Variants in SNURF observed in about 807,000 individuals in gnomAD.
The protein encoded by SNURF is SNURF protein.
SNURF carries 6 observed loss-of-function variants against 11.6 expected under a neutral mutation model. That is an observed-to-expected ratio of 0.52 (90% CI 0.28 to 1.02). SNURF has a LOEUF of 1.02. SNURF is among the 50% of genes least tolerant of loss of function. The pLI, the probability that SNURF is intolerant of heterozygous loss-of-function variation, is 0.09. For synonymous variants in SNURF, 29 were observed against 31.6 expected (o/e 0.92, Z 0.27); for missense variants, 84 against 88.4 (o/e 0.95, Z 0.20).
intron 2 of SNURF, among the ~76,000 whole-genome samples, chr15:24,964,911 T>A (rs957183855): frequency 4.6e-5 from 7 of 152,028 alleles, no homozygotes; most frequent in African/African-American, 1.7e-4. Flanking sequence ...ATAACTTGAG[T>A]TTTTCTTATC....
intron 1 of SNURF, among the ~76,000 whole-genome samples, chr15:24,958,041 C>T (rs1434393467): frequency 2.6e-5 from 4 of 152,120 alleles, no homozygotes; most frequent in African/African-American, 9.7e-5. Flanking sequence ...TTGTCTAAGG[C>T]AGGGTACTAA....
At chr15:24,962,072 T>G (rs996037904) in intron 1 of SNURF, 42 bp from the exon 2 acceptor site, 7 of 1,444,408 alleles carry the variant, frequency 4.8e-6, no homozygotes, top group Non-Finnish European at 6.8e-6. Context: ...TTTCATAGAT[T>G]GATGCAGTCT....
chr15:24,960,833 A>T (rs1293706380), intron 1 of SNURF, among the ~76,000 whole-genome samples: 1 of 152,196 alleles, frequency 6.6e-6, no homozygotes, highest in African/African-American at 2.4e-5. Context: ...TAGATAGTTA[A>T]TGTTAAAAGT....
In SNURF at chr15:24,976,064, T is replaced by C. The variant is rs61999157; in HGVS notation, c.*198-241T>C. On this transcript the variant is annotated intron_variant and NMD_transcript_variant, in intron 4 of 6. Transcript: ENST00000580062. Reference sequence around the variant, plus strand: ...GGTATTTCACAAAAGAAATTAGTCTTGTTGTAGTGTAACATCAAAGGAACA... The same window carrying C: ...GGTATTTCACAAAAGAAATTAGTCTCGTTGTAGTGTAACATCAAAGGAACA... Among the ~76,000 whole-genome samples, 1,150 of 152,366 alleles carry C rather than the reference T, an allele frequency of 7.5e-3. 6 individuals are homozygous for C. The highest frequency in any genetic ancestry group is 0.015 in the Admixed American group (222 of 15,296).
chr15:24,956,091 G>A (rs1193674088), intron 1 of SNURF, among the ~76,000 whole-genome samples: 2 of 152,096 alleles, frequency 1.3e-5, no homozygotes, highest in African/African-American at 2.4e-5. Flanking sequence ...GAATCCTTGC[G>A]TACCCTTTAG....
chr15:24,955,891 G>A (rs1201234992), intron 1 of SNURF, among the ~76,000 whole-genome samples: 5 of 151,924 alleles, frequency 3.3e-5, no homozygotes, highest in African/African-American at 7.3e-5. Flanking sequence ...GTCGCTGTCC[G>A]GAGTGACTAA....
intron 1 of SNURF, among the ~76,000 whole-genome samples, chr15:24,961,849 A>G (rs2074883457): frequency 6.6e-6 from 1 of 152,112 alleles, no homozygotes. Flanking sequence ...CTACAAATAG[A>G]GGTAGATATA....
At chr15:24,977,847 G>A in exon 7 of SNURF, 1 of 1,613,300 alleles carries the variant, frequency 6.2e-7, no homozygotes, top group Non-Finnish European at 8.5e-7. Flanking sequence ...TATTGCTGGA[G>A]CCCCAACACA....
intron 6 of SNURF, among the ~76,000 whole-genome samples, chr15:24,977,561 C>G (rs187182869): frequency 6.6e-6 from 1 of 152,064 alleles, no homozygotes; most frequent in East Asian, 1.9e-4. Context: ...TCGCTTGAAC[C>G]CAGGAGTGGG....
At chr15:24,975,924 C>G (rs1210910569) in intron 4 of SNURF, among the ~76,000 whole-genome samples, 1 of 152,044 alleles carries the variant, frequency 6.6e-6, no homozygotes, top group East Asian at 1.9e-4. Context: ...TATCACTGTT[C>G]CCATTATTTC....
At chr15:24,975,443 C>T in exon 4 of SNURF, 1 of 1,613,360 alleles carries the variant, frequency 6.2e-7, no homozygotes, top group Non-Finnish European at 8.5e-7. Flanking sequence ...TTCATTGGCA[C>T]CTTTAAGGCT....
chr15:24,959,968 G>A (rs1001657010), intron 1 of SNURF, among the ~76,000 whole-genome samples: 4 of 152,230 alleles, frequency 2.6e-5, no homozygotes, highest in Middle Eastern at 3.4e-3. Context: ...AGGTATAATA[G>A]AAAGAACATG....
Position 24,955,167 on chromosome 15 carries a change from A to G in SNURF, c.14+105A>G, listed in dbSNP as rs75182612. Reference sequence around the variant, plus strand: ...GGACTTGGAGTACTGAATAAACGGAATTTGGGCCCTAAAGTCCTTTGTTCT... The same window carrying G: ...GGACTTGGAGTACTGAATAAACGGAGTTTGGGCCCTAAAGTCCTTTGTTCT... On this transcript the variant is annotated intron_variant, in intron 1 of 2. Coordinates refer to ENST00000577949, the Ensembl canonical transcript of SNURF. 7.9e-3 allele frequency: 11,731 copies of G among 1,478,184 alleles called. 773 individuals are homozygous for G. In the African/African-American group the frequency reaches 0.14, roughly 18 times the overall value. 91.6% of individuals were successfully genotyped at this position (1,478,184 alleles called of 1,614,324 possible). A position where few individuals can be genotyped will look rare whatever the true frequency, so the allele number is the denominator to read the frequency against.
At chr15:24,955,002 C>A (rs1198523579) in exon 1 of SNURF, 7 of 1,610,962 alleles carry the variant, frequency 4.3e-6, no homozygotes, top group Admixed American at 1.7e-5. Flanking sequence ...GTGGAGCGGC[C>A]GCCGGAGATG....
At chr15:24,972,109 AGCCGGGTGT>A (rs1203213765), downstream of SNURF, among the ~76,000 whole-genome samples, 1 of 151,972 alleles carries the variant, frequency 6.6e-6, no homozygotes, top group African/African-American at 2.4e-5. Flanking sequence ...TACAAAAATT[AGCCGGGTGT>A]GGTGGCGGGC....
At chr15:24,974,827 G>A (rs1403364354) in intron 3 of SNURF, 1 of 672,048 alleles carries the variant, frequency 1.5e-6, no homozygotes, top group African/African-American at 1.8e-5. Flanking sequence ...CCAAAGTGCT[G>A]GGATTACAGG....
At chr15:24,971,363 T>C (rs2076377678), downstream of SNURF, among the ~76,000 whole-genome samples, 1 of 152,162 alleles carries the variant, frequency 6.6e-6, no homozygotes, top group Admixed American at 6.6e-5. Flanking sequence ...ATTTATTTTC[T>C]TCTTTCACTT....
chr15:24,977,806 T>C lies in SNURF; in HGVS notation c.*491T>C. The C allele has an allele frequency of 6.2e-7, 1 of 1,613,314 alleles. No homozygotes were observed. The highest frequency in any genetic ancestry group is 1.7e-5 in the Admixed American group (1 of 59,890). ...ATGACTCCACAGGGAAGAGGCACTGTAGCAGCTGCTGCTGTTGCTGCGACT... is the reference window on the plus strand; with the variant it reads ...ATGACTCCACAGGGAAGAGGCACTGCAGCAGCTGCTGCTGTTGCTGCGACT... On this transcript the variant is annotated 3_prime_UTR_variant and NMD_transcript_variant, in exon 7 of 7. Coordinates refer to the SNURF transcript ENST00000580062.
At chr15:24,975,214 A>G (rs771151536) in intron 3 of SNURF, 21 of 674,296 alleles carry the variant, frequency 3.1e-5, no homozygotes, top group Non-Finnish European at 5.4e-5. Context: ...CTAAATATGG[A>G]AGAATGTTGG....
Sources: allele counts gnomAD v4.1 joint callset (sites outside exome capture counted in the v4.1 genomes callset), GRCh38; gene constraint gnomAD v4.1.1; transcripts MANE v1.5; gene names NCBI Gene and HGNC (gene_info 2026-07-23, HGNC 2026-07-21).